LHFPL6: variants seen among roughly 807,000 people sequenced by gnomAD.
LHFPL6 encodes LHFPL tetraspan subfamily member 6 protein.
A neutral mutation model predicts 20.6 loss-of-function variants in LHFPL6; 9 were observed. That is an observed-to-expected ratio of 0.44 (90% CI 0.26 to 0.76). The LOEUF (loss-of-function observed/expected upper bound fraction) is 0.76. Among genes scored for constraint, LHFPL6 ranks in the 30% least tolerant of loss-of-function variants. The pLI, the probability that LHFPL6 is intolerant of heterozygous loss-of-function variation, is 0.20. For missense variants in LHFPL6, 218 were observed against 253.5 expected (o/e 0.86, Z 0.95); for synonymous variants, 105 against 98.7 (o/e 1.06, Z -0.38).
chr13:39,590,142 A>G (rs1436092632), intron 2 of LHFPL6, among the ~76,000 whole-genome samples: 1 of 152,206 alleles, frequency 6.6e-6, no homozygotes, highest in African/African-American at 2.4e-5. Context: ...TTCATGCTCT[A>G]AAATTCAGTG....
At chr13:39,423,993 T>G (rs1871565826) in intron 2 of LHFPL6, among the ~76,000 whole-genome samples, 1 of 152,142 alleles carries the variant, frequency 6.6e-6, no homozygotes, top group Admixed American at 6.6e-5. Flanking sequence ...TGGCAGGAGC[T>G]ACAGTAAAGG....
intron 2 of LHFPL6, among the ~76,000 whole-genome samples, chr13:39,460,909 T>C (rs1379844942): frequency 6.6e-6 from 1 of 152,184 alleles, no homozygotes; most frequent in East Asian, 1.9e-4. Context: ...TCATGGGAGT[T>C]TGGTATACAG....
intron 2 of LHFPL6, among the ~76,000 whole-genome samples, chr13:39,569,174 G>GACGGACGGACGGACGA (rs1871831176): frequency 6.6e-6 from 1 of 151,838 alleles, no homozygotes; most frequent in Non-Finnish European, 1.5e-5. Context: ...TGGATGGATG[G>GACGGACGGACGGACGA]ATGGATGGAT....
chr13:39,356,405 C>T (rs772343133), intron 3 of LHFPL6, among the ~76,000 whole-genome samples: 2 of 152,046 alleles, frequency 1.3e-5, no homozygotes, highest in African/African-American at 2.4e-5. Context: ...CGCAAAATGC[C>T]TACATCAAGA....
chr13:39,552,695 C>T (rs1041344840), intron 2 of LHFPL6, among the ~76,000 whole-genome samples: 1 of 152,220 alleles, frequency 6.6e-6, no homozygotes, highest in Non-Finnish European at 1.5e-5. Flanking sequence ...ACCAAGCACA[C>T]CTTGCCAAGG....
chr13:39,543,054 C>T (rs747843643), intron 2 of LHFPL6, among the ~76,000 whole-genome samples: 1 of 152,160 alleles, frequency 6.6e-6, no homozygotes, highest in Non-Finnish European at 1.5e-5. Context: ...GCACCATTCT[C>T]CTTTCTGTCT....
At chr13:39,544,727 A>G (rs2324337) in intron 2 of LHFPL6, among the ~76,000 whole-genome samples, 62,104 of 151,968 alleles carry the variant, frequency 0.41, 13,081 homozygotes, top group South Asian at 0.46. Flanking sequence ...GTAAAAGTAG[A>G]CATACTAAAA....
intron 2 of LHFPL6, among the ~76,000 whole-genome samples, chr13:39,477,509 C>T (rs1450425697): frequency 2.0e-5 from 3 of 152,286 alleles, no homozygotes; most frequent in Non-Finnish European, 4.4e-5. Flanking sequence ...TAAAGAGCAA[C>T]GTGACCCTGT....
At chr13:39,408,541 A>G (rs911850596) in intron 2 of LHFPL6, among the ~76,000 whole-genome samples, 1 of 152,262 alleles carries the variant, frequency 6.6e-6, no homozygotes. Context: ...AAATGACTTA[A>G]TAAACAATGC....
At chr13:39,442,433 T>C (rs1275380555) in intron 2 of LHFPL6, among the ~76,000 whole-genome samples, 1 of 152,164 alleles carries the variant, frequency 6.6e-6, no homozygotes, top group Non-Finnish European at 1.5e-5. Flanking sequence ...AACTTTCTGG[T>C]GAGATTCATG....
intron 2 of LHFPL6, among the ~76,000 whole-genome samples, chr13:39,495,748 G>T (rs1251012642): frequency 6.6e-6 from 1 of 151,610 alleles, no homozygotes; most frequent in East Asian, 1.9e-4. Flanking sequence ...TTGAAGCTGG[G>T]GATATGAGAA....
intron 2 of LHFPL6, among the ~76,000 whole-genome samples, chr13:39,490,694 C>G (rs543492673): frequency 6.6e-6 from 1 of 152,180 alleles, no homozygotes; most frequent in African/African-American, 2.4e-5. Flanking sequence ...ACAATAACAT[C>G]GCAAAGTCTA....
At chr13:39,530,726 T>C (rs1470305686) in intron 2 of LHFPL6, among the ~76,000 whole-genome samples, 1 of 152,002 alleles carries the variant, frequency 6.6e-6, no homozygotes, top group Non-Finnish European at 1.5e-5. Flanking sequence ...TTCTTTTGCA[T>C]TGTGCTGTGG....
intron 2 of LHFPL6, among the ~76,000 whole-genome samples, chr13:39,469,034 T>C (rs945683074): frequency 6.6e-6 from 1 of 152,170 alleles, no homozygotes; most frequent in African/African-American, 2.4e-5. Flanking sequence ...GTAACTGTTT[T>C]AGGTGAAAAA....
intron 2 of LHFPL6, among the ~76,000 whole-genome samples, chr13:39,543,997 G>C (rs569579330): frequency 6.6e-6 from 1 of 152,204 alleles, no homozygotes; most frequent in South Asian, 2.1e-4. Flanking sequence ...TTTATATTTC[G>C]ACTAGTTGGA....
chr13:39,444,014 T>C (rs1432052643), intron 2 of LHFPL6, among the ~76,000 whole-genome samples: 1 of 152,130 alleles, frequency 6.6e-6, no homozygotes, highest in African/African-American at 2.4e-5. Flanking sequence ...TTTATCAAGA[T>C]GTAATCACAT....
chr13:39,358,916 T>C (rs1286571524), intron 3 of LHFPL6, among the ~76,000 whole-genome samples: 1 of 152,190 alleles, frequency 6.6e-6, no homozygotes, highest in Non-Finnish European at 1.5e-5. Flanking sequence ...CTCCCGCCTG[T>C]AATCCTAGCA....
At chr13:39,352,723 G>C (rs1869599467) in intron 3 of LHFPL6, among the ~76,000 whole-genome samples, 1 of 151,148 alleles carries the variant, frequency 6.6e-6, no homozygotes, top group Non-Finnish European at 1.5e-5. Context: ...TAAATGTAAA[G>C]TTTGGGTAAA....
At position 39,436,499 on chromosome 13, in the gene LHFPL6, CA is replaced by C. The variant is rs1871961266; in HGVS notation, c.386-57974del. On this transcript the variant is annotated intron_variant, in intron 2 of 3. Transcript: ENST00000379589. ...TTTCATTGCCCTATTCATATTTATT[CA>C]ATCCCTTCCTTTCTTCCTGCTCTGA... Among the ~76,000 whole-genome samples, 4 of 152,234 alleles carry C rather than the reference CA, an allele frequency of 2.6e-5. No individual in the cohort carries two copies. The South Asian group carries it at 8.3e-4, about 32-fold the overall frequency.
Sources: allele counts gnomAD v4.1 joint callset (sites outside exome capture counted in the v4.1 genomes callset), GRCh38; gene constraint gnomAD v4.1.1; transcripts MANE v1.5; gene names NCBI Gene and HGNC (gene_info 2026-07-23, HGNC 2026-07-21).